The following BRD9 variants were observed in gnomAD, a reference collection of about 807,000 sequenced individuals.
BRD9 encodes the protein bromodomain containing 9, also known as bromodomain-containing protein 9.
BRD9 carries 47 observed loss-of-function variants against 68.7 expected under a neutral mutation model. That is an observed-to-expected ratio of 0.68 (90% CI 0.54 to 0.87). The LOEUF is 0.87. Ranked by LOEUF, BRD9 falls within the 40% of genes least tolerant of loss-of-function variation. BRD9 has a pLI of 0.00. For synonymous variants in BRD9, 313 were observed against 293.9 expected (o/e 1.06, Z -0.67); for missense variants, 670 against 748.4 (o/e 0.90, Z 1.22).
At chr5:881,362 C>T in intron 8 of BRD9, 180 bp from the exon 9 acceptor site, 1 of 636,008 alleles carries the variant, frequency 1.6e-6, no homozygotes. Context: ...GCAGAGCGCG[C>T]ACAGGTGCCA....
intron 12 of BRD9, among the ~76,000 whole-genome samples, chr5:872,381 C>A (rs1258962115): frequency 1.3e-5 from 2 of 152,220 alleles, no homozygotes; most frequent in Non-Finnish European, 2.9e-5. Context: ...CACTCAACTC[C>A]ATATCCAAGT....
chr5:886,784 C>G, intron 6 of BRD9, 77 bp from the exon 7 acceptor site: 2 of 1,606,036 alleles, frequency 1.2e-6, no homozygotes, highest in South Asian at 1.1e-5. Flanking sequence ...TCAGAAAGGA[C>G]AGAGCAGCAG....
At chr5:883,203 G>A in intron 8 of BRD9, 3 of 397,472 alleles carry the variant, frequency 7.5e-6, no homozygotes, top group South Asian at 5.7e-5. Context: ...CCCCACTTCA[G>A]CGTTCTTTAC....
At chr5:888,866 A>G (rs1011795184) in intron 5 of BRD9, among the ~76,000 whole-genome samples, 155 bp downstream of exon 5, 1 of 152,178 alleles carries the variant, frequency 6.6e-6, no homozygotes, top group Admixed American at 6.5e-5. Context: ...ACGACCAATC[A>G]TTTCCTTAAT....
chr5:865,663 A>G, intron 14 of BRD9, 82 bp from the exon 15 acceptor site: 1 of 1,408,462 alleles, frequency 7.1e-7, no homozygotes, highest in East Asian at 2.4e-5. Flanking sequence ...CTGCCCATCC[A>G]GACAGGCCTC....
At chr5:891,580 A>T in intron 2 of BRD9, 60 bp downstream of exon 2, 1 of 1,529,736 alleles carries the variant, frequency 6.5e-7, no homozygotes, top group Non-Finnish European at 8.8e-7. Context: ...GGGTCCTGGG[A>T]CCAGGCTCCC....
At chr5:891,370 G>T in intron 2 of BRD9, 83 bp from the exon 3 acceptor site, 1 of 1,494,014 alleles carries the variant, frequency 6.7e-7, no homozygotes, top group Admixed American at 2.2e-5. Context: ...GCAGTTCTCA[G>T]GGGAGGGACA....
chr5:875,893 C>A (rs948368248), intron 12 of BRD9, among the ~76,000 whole-genome samples: 1 of 152,186 alleles, frequency 6.6e-6, no homozygotes, highest in South Asian at 2.1e-4. Flanking sequence ...TAGAGAGTTA[C>A]GAGTGCGCTG....
At chr5:876,076 C>G in intron 12 of BRD9, 25 bp downstream of exon 12, 1 of 1,562,618 alleles carries the variant, frequency 6.4e-7, no homozygotes, top group Non-Finnish European at 8.8e-7. Context: ...ACCTGCCCCC[C>G]AACCCCGGTG....
At position 889,113 on chromosome 5, in the gene BRD9, C is replaced by G. The variant is rs746939840; in HGVS notation, c.514G>C (p.Gly172Arg). The G allele has an allele frequency of 1.2e-6, 2 of 1,611,212 alleles. No individual in the cohort carries two copies. The highest frequency in any genetic ancestry group is 1.7e-6 in the Non-Finnish European group (2 of 1,179,360). ...AFPVTDAIAP[G>R]YSMIIKHPMD... The stretch of plus-strand genomic sequence containing the variant: ...GGATGTTTTATTATCATTGAATATC[C>G]AGGAGCAATTGCATCCGTGACAGGA... Residue 172 changes from glycine to arginine, a missense_variant, in exon 5 of 16, where the codon GGA becomes CGA. By Grantham distance (125) the Gly-to-Arg change is moderately radical. This residue lies in a region of BRD9 where 94 missense variants were observed against 157.2 expected (regional missense o/e 0.60). Coordinates refer to ENST00000467963, the MANE Select transcript of BRD9 (RefSeq NM_023924.5).
In BRD9 at chr5:865,474, G is replaced by C; in HGVS notation, c.1633C>G (p.Arg545Gly). 2 of 1,599,474 alleles carry C rather than the reference G, an allele frequency of 1.3e-6. No individual in the cohort carries two copies. The highest frequency in any genetic ancestry group is 1.7e-6 in the Non-Finnish European group (2 of 1,171,570). ...HEAQAERGGS[R>G]PSSNLSSLSN... is the part of the protein sequence containing the mutation. ...AGGGAGCTGAGGTTGGACGACGGCC[G>C]AGAGCCGCCGCGCTCCGCCTGTGCT... Residue 545 changes from arginine to glycine, a missense_variant, in exon 15 of 16, where the codon CGG (arginine) becomes GGG (glycine). Physicochemically the swap from Arg to Gly is moderately radical, Grantham distance 125. Coordinates refer to ENST00000467963, the MANE Select transcript of BRD9 (RefSeq NM_023924.5).
rs769065238 is a variant in BRD9 at position 870,483 on chromosome 5, G to A, written c.1515C>T (p.Leu505=). ...CCTGTTACAACTCACCCAGAGAGCT[G>A]AGCATGGAGATATCCACAGAAACGT... ...YPDVSVDISM[L]SSLGKVKKEL... Residue 505 remains leucine (L), a synonymous_variant, in exon 14 of 16, where the codon CTC becomes CTT. Transcript: ENST00000467963. 6.2e-7 allele frequency: 1 copy of A among 1,613,400 alleles called. No homozygotes were observed. Among genetic ancestry groups the A allele is most frequent in the Admixed American group, 1.7e-5 (1 of 60,012 alleles).
chr5:892,431 T>C (rs1370202826), intron 1 of BRD9, 175 bp downstream of exon 1: 6 of 1,378,794 alleles, frequency 4.4e-6, no homozygotes, highest in Non-Finnish European at 4.7e-6. Flanking sequence ...CCAGGACCCC[T>C]CACGTGTGCC....
At chr5:878,154 T>C (rs946981692) in intron 11 of BRD9, among the ~76,000 whole-genome samples, 1 of 152,148 alleles carries the variant, frequency 6.6e-6, no homozygotes, top group Non-Finnish European at 1.5e-5. Flanking sequence ...CACCACCTTC[T>C]GACTGAGTTA....
intron 15 of BRD9, 34 bp downstream of exon 15, chr5:865,380 C>T: frequency 6.5e-7 from 1 of 1,542,358 alleles, no homozygotes. Flanking sequence ...GTGCTGGGGT[C>T]TCTGGGGATG....
intron 14 of BRD9, among the ~76,000 whole-genome samples, chr5:868,453 C>T (rs73730998): frequency 0.011 from 1,635 of 152,380 alleles, 32 homozygotes; most frequent in African/African-American, 0.038. Flanking sequence ...GTCACAGCGG[C>T]CTGGGGCCAG....
At chr5:864,945 G>C (rs555415621) in intron 15 of BRD9, among the ~76,000 whole-genome samples, 64 of 152,314 alleles carry the variant, frequency 4.2e-4, no homozygotes, top group African/African-American at 1.3e-3. Context: ...AAGGTCAATG[G>C]AATCGAAAAT....
intron 7 of BRD9, among the ~76,000 whole-genome samples, chr5:884,843 G>C (rs1228937219): frequency 6.6e-6 from 1 of 152,266 alleles, no homozygotes; most frequent in Non-Finnish European, 1.5e-5. Context: ...GCTCCACTCA[G>C]GCACCTGCGT....
intron 8 of BRD9, chr5:883,346 G>A (rs1752077101): frequency 2.2e-6 from 1 of 456,710 alleles, no homozygotes; most frequent in African/African-American, 2.0e-5. Context: ...AAGGATTAAT[G>A]TCACCTGCAT....
Sources: allele counts gnomAD v4.1 joint callset (sites outside exome capture counted in the v4.1 genomes callset), GRCh38; gene constraint gnomAD v4.1.1; regional missense constraint gnomAD v4.1.1; transcripts MANE v1.5; gene names NCBI Gene and HGNC (gene_info 2026-07-23, HGNC 2026-07-21).